The following DENND2A variants were observed in gnomAD, a reference collection of about 807,000 sequenced individuals.
DENND2A encodes DENN domain containing 2A.
In DENND2A, 53 loss-of-function variants were observed where a neutral mutation model predicts 105.3. That is an observed-to-expected ratio of 0.50 (90% CI 0.40 to 0.63). DENND2A has a LOEUF of 0.63. DENND2A is among the 30% of genes least tolerant of loss of function. DENND2A has a pLI of 0.00. For missense variants in DENND2A, 1,138 were observed against 1,279.6 expected, an observed-to-expected ratio of 0.89 and a Z score of 1.69; for synonymous variants, 522 against 508.4, an observed-to-expected ratio of 1.03 and a Z score of -0.36.
intron 5 of DENND2A, 116 bp downstream of exon 5, chr7:140,585,473 G>A: frequency 7.0e-7 from 1 of 1,424,486 alleles, no homozygotes; most frequent in Non-Finnish European, 9.7e-7. Flanking sequence ...AAATCCAGGA[G>A]CCCGGCAGGG....
chr7:140,633,414 C>A (rs1800807085), intron 1 of DENND2A, among the ~76,000 whole-genome samples: 1 of 152,134 alleles, frequency 6.6e-6, no homozygotes, highest in African/African-American at 2.4e-5. Flanking sequence ...CTTGGCCGCC[C>A]AAAGTGCTAG....
chr7:140,559,775 G>A lies in DENND2A; in HGVS notation c.1822C>T (p.Leu608=). 1 of 1,614,178 alleles carries A rather than the reference G, an allele frequency of 6.2e-7. No homozygotes were observed. Among genetic ancestry groups the A allele is most frequent in the Non-Finnish European group, 8.5e-7 (1 of 1,180,028 alleles). The change falls in exon 10 of 20, where the codon CTG becomes TTG. Residue 608 remains leucine (L), a synonymous_variant. Coordinates refer to ENST00000496613, the MANE Select transcript of DENND2A (RefSeq NM_015689.5). This position sits in a 1 kb window ranked among gnomAD's most constrained non-coding sequence, Gnocchi z 4.1. ...AAACAGAACTGGGGAATGGCCTTCA[G>A]TTGGTCCTCAGCTTCTCTCATGAAC... ...FKFMREAEDQ[L]KAIPQFCFPD... is the part of the protein sequence containing the mutation.
chr7:140,602,778 G>C (rs1159062062), intron 2 of DENND2A, among the ~76,000 whole-genome samples: 1 of 151,728 alleles, frequency 6.6e-6, no homozygotes, highest in Non-Finnish European at 1.5e-5. Context: ...TTCAAAACCA[G>C]CCTGGGCAAC....
intron 3 of DENND2A, among the ~76,000 whole-genome samples, chr7:140,591,133 T>C (rs1243035370): frequency 6.6e-6 from 1 of 151,690 alleles, no homozygotes; most frequent in Non-Finnish European, 1.5e-5. Flanking sequence ...CCTGTCTCTA[T>C]AAAAGATACA....
At chr7:140,632,864 CTTT>C (rs1158154967) in intron 1 of DENND2A, among the ~76,000 whole-genome samples, 5 of 117,236 alleles carry the variant, frequency 4.3e-5, no homozygotes, top group East Asian at 2.4e-4. Context: ...CATGCCTGGC[CTTT>C]TTTTTTTTTT....
At chr7:140,576,027 G>GAT (rs202205552) in intron 5 of DENND2A, among the ~76,000 whole-genome samples, 9,706 of 147,564 alleles carry the variant, frequency 0.066, 455 homozygotes, top group East Asian at 0.24. Context: ...GGTTCTTTCA[G>GAT]ATATATATAT....
intron 5 of DENND2A, among the ~76,000 whole-genome samples, chr7:140,582,223 C>A (rs1288595886): frequency 1.3e-5 from 2 of 152,202 alleles, no homozygotes; most frequent in East Asian, 3.9e-4. Flanking sequence ...CCTTGGCCTC[C>A]CAAAGTGCTA....
intron 14 of DENND2A, among the ~76,000 whole-genome samples, chr7:140,540,383 G>A (rs770506742): frequency 2.4e-4 from 37 of 152,362 alleles, no homozygotes; most frequent in African/African-American, 7.7e-4. Context: ...TTGAAAAGAC[G>A]AAACCTCCAA....
intron 5 of DENND2A, among the ~76,000 whole-genome samples, chr7:140,578,047 C>T (rs887318974): frequency 2.6e-5 from 4 of 152,148 alleles, no homozygotes; most frequent in African/African-American, 9.7e-5. Context: ...AGGGGCTTAG[C>T]TCTGCTGAGA....
At chr7:140,521,760 T>C in intron 18 of DENND2A, 95 bp downstream of exon 18, 1 of 1,555,434 alleles carries the variant, frequency 6.4e-7, no homozygotes, top group Non-Finnish European at 8.7e-7. Context: ...GTCCTGTCTG[T>C]GCCCCTGCCC....
At chr7:140,554,477 A>C (rs1415330473) in intron 12 of DENND2A, among the ~76,000 whole-genome samples, 2 of 151,834 alleles carry the variant, frequency 1.3e-5, no homozygotes, top group Non-Finnish European at 2.9e-5. Flanking sequence ...TCTCTACTAA[A>C]AATACAAAAT....
chr7:140,535,693 T>G (rs1796431540), intron 14 of DENND2A, among the ~76,000 whole-genome samples: 1 of 152,102 alleles, frequency 6.6e-6, no homozygotes, highest in African/African-American at 2.4e-5. Flanking sequence ...GCGATTCTCC[T>G]ATCTCAGCCT....
Position 140,523,733 on chromosome 7 carries a change from C to T in DENND2A, c.2548-309G>A, listed in dbSNP as rs1414947042. On this transcript the variant is annotated intron_variant, in intron 16 of 19. Transcript: ENST00000496613. This position sits in a 1 kb window ranked among gnomAD's most constrained non-coding sequence, Gnocchi z 4.5. Reference sequence around the variant, plus strand: ...GGAACTACAGGCGCGTGCCACCGCTCCTGGCTAATGTTTTGTATTTTTAGT... The same window carrying T: ...GGAACTACAGGCGCGTGCCACCGCTTCTGGCTAATGTTTTGTATTTTTAGT... 6.6e-6 allele frequency among the ~76,000 whole-genome samples: 1 copy of T among 152,162 alleles called. No homozygotes were observed. The highest frequency in any genetic ancestry group is 1.5e-5 in the Non-Finnish European group (1 of 68,040).
chr7:140,594,602 T>C (rs1028128496), intron 3 of DENND2A, among the ~76,000 whole-genome samples: 1 of 152,336 alleles, frequency 6.6e-6, no homozygotes, highest in African/African-American at 2.4e-5. Flanking sequence ...CTTCCAACTA[T>C]TACTGGTCTG....
intron 1 of DENND2A, among the ~76,000 whole-genome samples, chr7:140,627,947 A>G (rs959469468): frequency 5.3e-5 from 8 of 151,826 alleles, no homozygotes; most frequent in African/African-American, 1.9e-4. Flanking sequence ...GTGTACCACC[A>G]TGCCCAACTA....
rs889445952 is a variant in DENND2A, at chr7:140,527,260, G to C, written c.2505+58C>G. On this transcript the variant is annotated intron_variant, in intron 15 of 19. Transcript: ENST00000496613. The surrounding 1 kb of genome is among the most constrained non-coding windows in gnomAD (Gnocchi z 4.9). ...GCTCCATGATGCCTGCAGAGCCAGC[G>C]CCCCGCTCTGTTCTCCGCACCCTGC... is the stretch of plus-strand genomic sequence containing the variant. 2.7e-6 allele frequency: 4 copies of C among 1,478,738 alleles called. No individual in the cohort carries two copies. The highest frequency in any genetic ancestry group is 3.6e-6 in the Non-Finnish European group (4 of 1,103,540). The allele number at this position is 1,478,738 out of a possible 1,614,324, so 91.6% of individuals were successfully genotyped here.
At chr7:140,631,130 T>C (rs1024168902) in intron 1 of DENND2A, among the ~76,000 whole-genome samples, 5 of 152,134 alleles carry the variant, frequency 3.3e-5, no homozygotes, top group African/African-American at 9.7e-5. Context: ...TCAAGTGCAT[T>C]AGTGAGATCA....
chr7:140,596,626 T>C (rs543030390), intron 3 of DENND2A, among the ~76,000 whole-genome samples: 1 of 152,332 alleles, frequency 6.6e-6, no homozygotes, highest in East Asian at 1.9e-4. Flanking sequence ...CTGAAAGTCT[T>C]ACACTAAAGC....
At position 140,607,206 on chromosome 7, in the gene DENND2A, C is replaced by T. The variant is rs1369700234; in HGVS notation, c.-247-1400G>A. Among the ~76,000 whole-genome samples the T allele has an allele frequency of 3.3e-5, 5 of 152,140 alleles. 1 individual carries two copies. The highest frequency in any genetic ancestry group is 7.4e-5 in the Non-Finnish European group (5 of 68,026). On this transcript the variant is annotated intron_variant, in intron 1 of 19. Transcript: ENST00000496613. Reference sequence around the variant, plus strand: ...CCCTGCTAGGTGATGGGATGGCTGCCTGATGTCCTGGCCTGGGCATCCTCT... The same window carrying T: ...CCCTGCTAGGTGATGGGATGGCTGCTTGATGTCCTGGCCTGGGCATCCTCT...
Sources: gnomAD v4.1 joint callset for allele counts (sites outside exome capture counted in the v4.1 genomes callset) on GRCh38, gnomAD v4.1.1 for gene constraint, Gnocchi (gnomAD v3.1) non-coding constraint, MANE v1.5 for transcripts, NCBI Gene and HGNC (gene_info 2026-07-23, HGNC 2026-07-21) for gene names.